The following AP4E1 variants were observed in gnomAD, a reference collection of about 807,000 sequenced individuals.
AP4E1 encodes the protein adaptor related protein complex 4 subunit epsilon 1, also known as AP-4 complex subunit epsilon-1.
A neutral mutation model predicts 128.2 loss-of-function variants in AP4E1; 56 were observed. That is an observed-to-expected ratio of 0.44 (90% CI 0.35 to 0.55). The LOEUF is 0.55. AP4E1 is among the 20% of genes least tolerant of loss of function. The pLI is 0.00. For missense variants in AP4E1, 1,324 were observed against 1,307.7 expected (o/e 1.01, Z -0.19); for synonymous variants, 484 against 473.1 (o/e 1.02, Z -0.30).
At chr15:50,945,262 G>C (rs2064042541) in intron 10 of AP4E1, 2 of 784,070 alleles carry the variant, frequency 2.6e-6, no homozygotes, top group Admixed American at 1.7e-5. Flanking sequence ...AGTGTAAGTA[G>C]TGTTAAATTT....
chr15:50,913,583 T>C (rs964005900), intron 2 of AP4E1, among the ~76,000 whole-genome samples: 3 of 152,220 alleles, frequency 2.0e-5, no homozygotes, highest in African/African-American at 7.2e-5. Flanking sequence ...AATTCTTGCA[T>C]TGGGGAATGC....
rs1191563149 is a variant in AP4E1, at chr15:50,919,574, ATAAG to A, written c.346+4007_346+4010del. The stretch of plus-strand genomic sequence containing the variant: ...AATAAATAAATAAATAAATAAATAA[ATAAG>A]TAAATAAATTATGCTGTAATTAATA... On this transcript the variant is annotated intron_variant, in intron 3 of 20. Transcript: ENST00000261842. Among the ~76,000 whole-genome samples, 128 of 138,692 alleles carry A rather than the reference ATAAG, an allele frequency of 9.2e-4. 1 individual carries two copies. The highest frequency in any genetic ancestry group is 2.0e-3 in the African/African-American group (72 of 36,870). 91.0% of individuals were successfully genotyped at this position (138,692 alleles called of 152,430 possible).
intron 13 of AP4E1, among the ~76,000 whole-genome samples, chr15:50,957,049 A>G (rs62018162): frequency 0.17 from 26,064 of 152,060 alleles, 2,462 homozygotes; most frequent in African/African-American, 0.23. Flanking sequence ...CTGAAGCCCC[A>G]TTGAGCATGT....
Position 50,996,584 on chromosome 15 carries a change from T to C in AP4E1, c.2347-742T>C, listed in dbSNP as rs199754179. ...ATCATGTAAAGGATGCTGTGTAGTGTCAAAGCCCCCCGGGGGAGTGGAGGT... is the reference window on the plus strand; with the variant it reads ...ATCATGTAAAGGATGCTGTGTAGTGCCAAAGCCCCCCGGGGGAGTGGAGGT... On this transcript the variant is annotated intron_variant, in intron 17 of 20. Coordinates refer to ENST00000261842, the MANE Select transcript of AP4E1 (RefSeq NM_007347.5). 4.6e-5 allele frequency among the ~76,000 whole-genome samples: 7 copies of C among 152,054 alleles called. No homozygotes were observed. The East Asian group carries it at 1.2e-3, about 25-fold the overall frequency.
intron 13 of AP4E1, among the ~76,000 whole-genome samples, chr15:50,956,256 A>T (rs190800285): frequency 6.6e-6 from 1 of 152,132 alleles, no homozygotes; most frequent in Admixed American, 6.6e-5. Flanking sequence ...TTATAAAACC[A>T]CCCTAAAAAT....
chr15:50,946,416 A>G (rs899032628), intron 10 of AP4E1, among the ~76,000 whole-genome samples: 13 of 152,198 alleles, frequency 8.5e-5, no homozygotes, highest in African/African-American at 2.7e-4. Flanking sequence ...AAGAATGTCA[A>G]CTTTTTATAA....
chr15:50,916,858 T>C (rs2063637022), intron 3 of AP4E1, among the ~76,000 whole-genome samples: 2 of 152,234 alleles, frequency 1.3e-5, no homozygotes, highest in South Asian at 4.1e-4. Flanking sequence ...CATATATTAA[T>C]GTCTTAGCTC....
At chr15:50,968,927 A>G (rs2140894722) in intron 15 of AP4E1, among the ~76,000 whole-genome samples, 1 of 152,084 alleles carries the variant, frequency 6.6e-6, no homozygotes, top group South Asian at 2.1e-4. Context: ...CATTATACTG[A>G]AATTTTGAGG....
At chr15:50,983,000 A>G (rs1018253003) in intron 15 of AP4E1, among the ~76,000 whole-genome samples, 1 of 152,222 alleles carries the variant, frequency 6.6e-6, no homozygotes, top group Non-Finnish European at 1.5e-5. Context: ...GTCCTTTTCT[A>G]TAATCTAGAC....
At chr15:50,908,185 C>A (rs1320585585), upstream of AP4E1, among the ~76,000 whole-genome samples, 1 of 152,208 alleles carries the variant, frequency 6.6e-6, no homozygotes, top group Non-Finnish European at 1.5e-5. Context: ...CTCAACCTGG[C>A]ACGCCGAATC....
rs2064423846 is a variant in AP4E1 at position 50,968,328 on chromosome 15, T to G, written c.1917T>G (p.Pro639=). 6.2e-7 allele frequency: 1 copy of G among 1,613,698 alleles called. No homozygotes were observed. Among genetic ancestry groups the G allele is most frequent in the Non-Finnish European group, 8.5e-7 (1 of 1,179,790 alleles). Residue 639 remains proline (P), a synonymous_variant, in exon 15 of 21, where the codon CCT becomes CCG. Transcript: ENST00000261842. ...AAGGACTCAGTCAGGGTGCAGCGCC[T>G]TACAAACCTCCCCATCAACGCCAGG... ...VAEGLSQGAA[P]YKPPHQRQEE... is the part of the protein sequence containing the mutation.
upstream of AP4E1, chr15:50,908,588 G>A (rs2063524384): frequency 1.1e-5 from 7 of 658,242 alleles, no homozygotes; most frequent in South Asian, 2.4e-4. Context: ...TTCCACCCCC[G>A]CGGTCTCTTG....
chr15:50,933,796 T>G (rs898400225), intron 7 of AP4E1, among the ~76,000 whole-genome samples: 4 of 152,166 alleles, frequency 2.6e-5, no homozygotes, highest in Non-Finnish European at 5.9e-5. Context: ...ATGTAATTAA[T>G]TTATATAGTC....
intron 17 of AP4E1, 111 bp downstream of exon 17, chr15:50,993,736 TC>T: frequency 7.7e-7 from 1 of 1,306,882 alleles, no homozygotes; most frequent in Non-Finnish European, 1.1e-6. Flanking sequence ...AAAAGTGGCT[TC>T]CCCAGTTCTT....
intron 8 of AP4E1, among the ~76,000 whole-genome samples, chr15:50,939,897 T>G (rs560023762): frequency 1.3e-5 from 2 of 152,220 alleles, no homozygotes; most frequent in Admixed American, 1.3e-4. Flanking sequence ...GAGGGCCAGA[T>G]AGTAAATATT....
chr15:50,910,655 C>CTTGTT (rs1052357440), intron 1 of AP4E1, among the ~76,000 whole-genome samples: 20 of 152,014 alleles, frequency 1.3e-4, no homozygotes, highest in Non-Finnish European at 2.5e-4. Flanking sequence ...GTGGGCTTGT[C>CTTGTT]TTGTTTTGTT....
intron 19 of AP4E1, among the ~76,000 whole-genome samples, chr15:50,999,893 T>A (rs1488681826): frequency 7.5e-6 from 1 of 133,986 alleles, no homozygotes; most frequent in Non-Finnish European, 1.5e-5. Context: ...TGATGTGTTA[T>A]TAAACTATTA....
At chr15:50,946,143 G>T in intron 10 of AP4E1, 2 of 520,910 alleles carry the variant, frequency 3.8e-6, no homozygotes. Context: ...TAGCTACCCT[G>T]AAAAATGCCT....
rs55825810 is a variant in AP4E1 at position 50,964,955 on chromosome 15, CCACA to C, written c.1852-3274_1852-3271del. ...TTGTAAAGTATAACACCTCCCCCTA[CCACA>C]CACACACACACACACACACACACAC... On this transcript the variant is annotated intron_variant, in intron 14 of 20. Coordinates refer to ENST00000261842, the MANE Select transcript of AP4E1 (RefSeq NM_007347.5). Among the ~76,000 whole-genome samples the C allele has an allele frequency of 1.3e-3, 167 of 131,454 alleles. 1 individual carries two copies. Among genetic ancestry groups the C allele is most frequent in the Middle Eastern group, 7.2e-3 (2 of 278 alleles). The allele number at this position is 131,454 out of a possible 152,430, so 86.2% of individuals were successfully genotyped here.
Sources: gnomAD v4.1 joint callset for allele counts (sites outside exome capture counted in the v4.1 genomes callset) on GRCh38, gnomAD v4.1.1 for gene constraint, MANE v1.5 for transcripts, NCBI Gene and HGNC (gene_info 2026-07-23, HGNC 2026-07-21) for gene names.